Variants in ZNF398 observed in about 807,000 individuals in gnomAD.
The protein encoded by ZNF398 is zinc finger DNA binding protein ZER6.
Under a neutral mutation model 41.9 loss-of-function variants are expected in ZNF398, and 18 were observed. The observed-to-expected ratio is 0.43, with a 90% CI of 0.30 to 0.64. The LOEUF (loss-of-function observed/expected upper bound fraction) is 0.64. Ranked by LOEUF, ZNF398 falls within the 30% of genes least tolerant of loss-of-function variation. The pLI is 0.14. For synonymous variants in ZNF398, 260 were observed against 308.8 expected (o/e 0.84, Z 1.66); for missense variants, 669 against 822.8 (o/e 0.81, Z 2.29).
chr7:149,181,834 G>T lies in ZNF398; in HGVS notation c.*2033G>T, dbSNP rs1194089687. 1.3e-5 allele frequency: 2 copies of T among 152,210 alleles called. No homozygotes were observed. Among genetic ancestry groups the T allele is most frequent in the African/African-American group, 2.4e-5 (1 of 41,436 alleles). The allele number at this position is 152,210 out of a possible 1,614,324, so 9.4% of individuals were successfully genotyped here. ...ACCTATACCATGGGAAAATTTAGGG[G>T]TGCTGGGAATCCCAAAGCCAAGGTT... On this transcript the variant is annotated 3_prime_UTR_variant, in exon 6 of 6. Coordinates refer to ENST00000475153, the MANE Select transcript of ZNF398 (RefSeq NM_170686.3).
rs906411776 is a variant in ZNF398, at chr7:149,147,510, G to A, written c.-233G>A. On this transcript the variant is annotated 5_prime_UTR_variant, in exon 1 of 6. Transcript: ENST00000475153. The surrounding 1 kb of genome is among the most constrained non-coding windows in gnomAD (Gnocchi z 5.6). ...GCCGCTGCGGGTGGAGTGCGGCGGAGTCGGCCTCGCGACCCCAGCTTGATC... is the reference window on the plus strand; with the variant it reads ...GCCGCTGCGGGTGGAGTGCGGCGGAATCGGCCTCGCGACCCCAGCTTGATC... 20 of 328,422 alleles carry A rather than the reference G, an allele frequency of 6.1e-5. No homozygotes were observed. The highest frequency in any genetic ancestry group is 9.1e-5 in the Non-Finnish European group (17 of 186,810). 20.3% of individuals were successfully genotyped at this position (328,422 alleles called of 1,614,324 possible). A position where few individuals can be genotyped will look rare whatever the true frequency, so the allele number is the denominator to read the frequency against.
At chr7:149,157,608 G>A (rs1414996964) in intron 2 of ZNF398, among the ~76,000 whole-genome samples, 1 of 151,766 alleles carries the variant, frequency 6.6e-6, no homozygotes, top group Non-Finnish European at 1.5e-5. Flanking sequence ...GGGAGGCCAA[G>A]GCAGGCGTAT....
chr7:149,166,250 C>A lies in ZNF398; in HGVS notation c.513C>A (p.Ile171=). ...GGCAAAAGGAACTTTACAAGAATAT[C>A]ATGAAGGGCAACTACGAGTCTCTCA... ...EEWQKELYKN[I]MKGNYESLIS... Residue 171 remains isoleucine, a synonymous_variant, in exon 3 of 6, where the codon ATC becomes ATA. Coordinates refer to ENST00000475153, the MANE Select transcript of ZNF398 (RefSeq NM_170686.3). 1.2e-6 allele frequency: 2 copies of A among 1,614,082 alleles called. No individual in the cohort carries two copies. Among genetic ancestry groups the A allele is most frequent in the South Asian group, 2.2e-5 (2 of 91,064 alleles).
rs1826998172 is a variant in ZNF398, at chr7:149,147,920, G to A, written c.24+154G>A. Among the ~76,000 whole-genome samples, 1 of 152,210 alleles carries A rather than the reference G, an allele frequency of 6.6e-6. No individual in the cohort carries two copies. Among genetic ancestry groups the A allele is most frequent in the African/African-American group, 2.4e-5 (1 of 41,472 alleles). On this transcript the variant is annotated intron_variant, in intron 1 of 5. Coordinates refer to ENST00000475153, the MANE Select transcript of ZNF398 (RefSeq NM_170686.3). This position sits in a 1 kb window ranked among gnomAD's most constrained non-coding sequence, Gnocchi z 5.6. Reference sequence around the variant, plus strand: ...CCGTGCTTGGCGGCTGCAGCCTCGCGTGAGGGGACTTAGCGGGTGGGTGTG... The same window carrying A: ...CCGTGCTTGGCGGCTGCAGCCTCGCATGAGGGGACTTAGCGGGTGGGTGTG...
intron 2 of ZNF398, among the ~76,000 whole-genome samples, chr7:149,155,707 A>ATATATATATT (rs1794954712): frequency 1.4e-4 from 10 of 73,574 alleles, no homozygotes; most frequent in Non-Finnish European, 2.1e-4. Context: ...ATATATATAT[A>ATATATATATT]TTTTTTTTTT....
intron 2 of ZNF398, among the ~76,000 whole-genome samples, chr7:149,155,703 ATATATTT>A (rs1794953748): frequency 3.2e-5 from 1 of 31,328 alleles, no homozygotes. Flanking sequence ...ATATATATAT[ATATATTT>A]TTTTTTTTTT....
At chr7:149,135,676 G>C (rs66956378) in intron 2 of ZNF398, among the ~76,000 whole-genome samples, 11,510 of 151,762 alleles carry the variant, frequency 0.076, 445 homozygotes, top group Middle Eastern at 0.092. Flanking sequence ...ATAATAGTCC[G>C]GGTGCGGTAG....
intron 2 of ZNF398, among the ~76,000 whole-genome samples, chr7:149,140,866 C>G (rs1826808018): frequency 6.6e-6 from 1 of 151,958 alleles, no homozygotes; most frequent in Admixed American, 6.6e-5. Flanking sequence ...ATAGCAAGAC[C>G]TTCTCTCTAC....
At position 149,181,085 on chromosome 7, in the gene ZNF398, C is replaced by T. The variant is rs1311182444; in HGVS notation, c.*1284C>T. 1 of 152,624 alleles carries T rather than the reference C, an allele frequency of 6.6e-6. No homozygotes were observed. The highest frequency in any genetic ancestry group is 1.5e-5 in the Non-Finnish European group (1 of 68,034). 9.5% of individuals were successfully genotyped at this position (152,624 alleles called of 1,614,324 possible). On this transcript the variant is annotated 3_prime_UTR_variant, in exon 6 of 6. Coordinates refer to ENST00000475153, the MANE Select transcript of ZNF398 (RefSeq NM_170686.3). ...CTGAGTCTGCTCCTAAGTGGCTTTG[C>T]AACTGGGCCTAAGTTCTGTTTCCTT... is the stretch of plus-strand genomic sequence containing the variant.
At chr7:149,169,136 A>G (rs1795280599) in intron 4 of ZNF398, among the ~76,000 whole-genome samples, 1 of 152,206 alleles carries the variant, frequency 6.6e-6, no homozygotes, top group Non-Finnish European at 1.5e-5. Flanking sequence ...TAACGTATCA[A>G]AGTTTCATTT....
At chr7:149,137,734 G>C (rs775162794) in intron 2 of ZNF398, among the ~76,000 whole-genome samples, 5 of 152,084 alleles carry the variant, frequency 3.3e-5, no homozygotes, top group Non-Finnish European at 7.3e-5. Context: ...AGTTTTGTGA[G>C]AGTTTTTATT....
upstream of ZNF398, among the ~76,000 whole-genome samples, chr7:149,146,312 T>C (rs991239717): frequency 5.9e-5 from 9 of 152,062 alleles, no homozygotes; most frequent in South Asian, 1.7e-3. Flanking sequence ...TCTCAGGAAT[T>C]CCACTTCCTC....
intron 5 of ZNF398, among the ~76,000 whole-genome samples, chr7:149,176,978 C>G (rs1480829913): frequency 1.3e-5 from 2 of 151,848 alleles, no homozygotes; most frequent in Non-Finnish European, 2.9e-5. Flanking sequence ...AATTAAGAGC[C>G]CTCCCTCAGT....
intron 1 of ZNF398, chr7:149,151,232 A>G: frequency 8.1e-7 from 1 of 1,232,854 alleles, no homozygotes; most frequent in Admixed American, 2.7e-5. Context: ...TGCTTACAGG[A>G]ATGGAGAAAG....
chr7:149,171,844 T>A (rs1795349825), intron 4 of ZNF398, among the ~76,000 whole-genome samples: 1 of 152,088 alleles, frequency 6.6e-6, no homozygotes, highest in South Asian at 2.1e-4. Flanking sequence ...ATTTTTTTAT[T>A]TTTTTATAGA....
intron 1 of ZNF398, chr7:149,151,299 T>C: frequency 8.2e-7 from 1 of 1,222,904 alleles, no homozygotes; most frequent in Non-Finnish European, 1.0e-6. Flanking sequence ...CAGAAAGACA[T>C]GAGAGAAGGG....
At chr7:149,174,755 G>C (rs1039171061) in intron 4 of ZNF398, among the ~76,000 whole-genome samples, 4 of 152,196 alleles carry the variant, frequency 2.6e-5, no homozygotes, top group Admixed American at 2.0e-4. Flanking sequence ...GAGCCTGGGA[G>C]GCAGAGATTG....
chr7:149,138,529 G>A (rs1202806476), intron 2 of ZNF398, among the ~76,000 whole-genome samples: 4 of 152,156 alleles, frequency 2.6e-5, no homozygotes, highest in East Asian at 1.9e-4. Flanking sequence ...GCAATGAGCC[G>A]AGATCGTGCC....
rs770881140 is a variant in ZNF398 at position 149,179,011 on chromosome 7, C to T, written c.1139C>T (p.Thr380Ile). 2 of 1,613,856 alleles carry T rather than the reference C, an allele frequency of 1.2e-6. No homozygotes were observed. The highest frequency in any genetic ancestry group is 3.3e-5 in the Admixed American group (2 of 59,990). Residue 380 changes from threonine to isoleucine, a missense_variant, in exon 6 of 6, where the codon ACT (threonine) becomes ATT (isoleucine). By Grantham distance (89) the Thr-to-Ile change is moderately conservative. Around this residue, in one of 3 missense-constraint regions of ZNF398, gnomAD observed 290 missense variants for 292.9 expected, o/e 0.99. Transcript: ENST00000475153. The surrounding 1 kb of genome is among the most constrained non-coding windows in gnomAD (Gnocchi z 6.1). ...LPCAQCPKHFTPQADLSSTSQ... is the reference protein window; with the variant it reads ...LPCAQCPKHFIPQADLSSTSQ... ...TGTGCCCAGTGCCCTAAGCACTTTA[C>T]TCCACAGGCGGACCTCAGCAGCACC...
Sources: gnomAD v4.1 joint callset for allele counts (sites outside exome capture counted in the v4.1 genomes callset) on GRCh38, gnomAD v4.1.1 for gene constraint, gnomAD v4.1.1 regional missense constraint, Gnocchi (gnomAD v3.1) non-coding constraint, MANE v1.5 for transcripts, NCBI Gene and HGNC (gene_info 2026-07-23, HGNC 2026-07-21) for gene names.